The following TMEM200A variants were observed in gnomAD, a reference collection of about 807,000 sequenced individuals.
The protein encoded by TMEM200A is transmembrane protein 200A.
A neutral mutation model predicts 24.3 loss-of-function variants in TMEM200A; 12 were observed. The ratio of observed to expected loss-of-function variants is 0.49; its 90% confidence interval spans 0.32 to 0.80. The LOEUF (loss-of-function observed/expected upper bound fraction) is 0.80. TMEM200A is among the 30% of genes least tolerant of loss of function. The pLI, the probability that TMEM200A is intolerant of heterozygous loss-of-function variation, is 0.04. For missense variants in TMEM200A, 545 were observed against 614.4 expected (o/e 0.89, Z 1.19); for synonymous variants, 224 against 224.4 (o/e 1.00, Z 0.02).
intron 2 of TMEM200A, among the ~76,000 whole-genome samples, chr6:130,418,144 A>T (rs1452868361): frequency 1.3e-5 from 2 of 152,108 alleles, no homozygotes; most frequent in Admixed American, 6.6e-5. Context: ...ATTCTTGATC[A>T]TATATAGATA....
chr6:130,423,641 A>G (rs747548191), intron 2 of TMEM200A, among the ~76,000 whole-genome samples: 7 of 152,280 alleles, frequency 4.6e-5, no homozygotes, highest in Non-Finnish European at 8.8e-5. Flanking sequence ...GTTTAAAAAC[A>G]TCTGTCAGTT....
At position 130,441,994 on chromosome 6, in the gene TMEM200A, CA is replaced by C; in HGVS notation, c.*99del. The C allele has an allele frequency of 8.0e-7, 1 of 1,244,264 alleles. No individual in the cohort carries two copies. The highest frequency in any genetic ancestry group is 1.6e-5 in the South Asian group (1 of 62,732). 77.1% of individuals were successfully genotyped at this position (1,244,264 alleles called of 1,614,324 possible). On this transcript the variant is annotated 3_prime_UTR_variant, in exon 3 of 3. Coordinates refer to ENST00000296978, the MANE Select transcript of TMEM200A (RefSeq NM_001258277.2). ...AGTATTGGCTGTAAGCCTTTTTAATCAAATGGTTTGTAGTGTATTAGAATTG... is the reference window on the plus strand; with the variant it reads ...AGTATTGGCTGTAAGCCTTTTTAATCAATGGTTTGTAGTGTATTAGAATTG...
At chr6:130,372,018 C>T (rs1273115171) in intron 1 of TMEM200A, among the ~76,000 whole-genome samples, 1 of 152,154 alleles carries the variant, frequency 6.6e-6, no homozygotes, top group African/African-American at 2.4e-5. Flanking sequence ...TGCCTCCCCA[C>T]CATCGCCACT....
intron 2 of TMEM200A, among the ~76,000 whole-genome samples, chr6:130,393,133 G>A (rs1263796169): frequency 6.6e-6 from 1 of 152,210 alleles, no homozygotes. Flanking sequence ...GGATAGAAGC[G>A]AGAGATCAGT....
chr6:130,383,125 G>A, intron 1 of TMEM200A: 1 of 896,678 alleles, frequency 1.1e-6, no homozygotes, highest in African/African-American at 1.8e-5. Context: ...AATTAGGACG[G>A]CACTCCATGG....
chr6:130,377,861 C>G (rs1778498167), intron 1 of TMEM200A, among the ~76,000 whole-genome samples: 1 of 152,056 alleles, frequency 6.6e-6, no homozygotes, highest in South Asian at 2.1e-4. Context: ...TAAAGCAGAG[C>G]CCAGGGACTA....
rs765491153 is a variant in TMEM200A, at chr6:130,440,602, A to G, written c.180A>G (p.Pro60=). Residue 60 remains proline, a synonymous_variant, in exon 3 of 3, where the codon CCA becomes CCG. Transcript: ENST00000296978. ...VVRGKIRLYS[P]SGFFLILGVL... ...GTGGCAAAATCCGGCTTTATTCCCC[A>G]TCTGGTTTTTTTCTTATTTTAGGAG... is the stretch of plus-strand genomic sequence containing the variant. 3 of 1,613,982 alleles carry G rather than the reference A, an allele frequency of 1.9e-6. No individual in the cohort carries two copies. Among genetic ancestry groups the G allele is most frequent in the Admixed American group, 1.7e-5 (1 of 59,988 alleles).
chr6:130,406,457 C>T (rs1435645973), intron 2 of TMEM200A, among the ~76,000 whole-genome samples: 2 of 152,138 alleles, frequency 1.3e-5, no homozygotes, highest in African/African-American at 4.8e-5. Context: ...TTTAGTCTCA[C>T]ATATTTTTAA....
chr6:130,415,912 T>C (rs1042037049), intron 2 of TMEM200A, among the ~76,000 whole-genome samples: 2 of 152,218 alleles, frequency 1.3e-5, no homozygotes, highest in African/African-American at 4.8e-5. Context: ...TGAATTCTTC[T>C]TTCAGGGTTT....
At chr6:130,411,165 C>T (rs1318966117) in intron 2 of TMEM200A, among the ~76,000 whole-genome samples, 1 of 143,540 alleles carries the variant, frequency 7.0e-6, no homozygotes, top group Non-Finnish European at 1.5e-5. Context: ...GAAACTCCAT[C>T]TCAAAAAAAA....
intron 2 of TMEM200A, among the ~76,000 whole-genome samples, chr6:130,426,668 G>A (rs1779752401): frequency 6.6e-6 from 1 of 152,108 alleles, no homozygotes; most frequent in Non-Finnish European, 1.5e-5. Flanking sequence ...AAACACAATG[G>A]GGACTGAGCT....
At chr6:130,398,940 C>T (rs961409090) in intron 2 of TMEM200A, among the ~76,000 whole-genome samples, 4 of 151,834 alleles carry the variant, frequency 2.6e-5, no homozygotes, top group Non-Finnish European at 5.9e-5. Flanking sequence ...AAAGTCTATC[C>T]TTTAGTAGTT....
chr6:130,372,880 T>C (rs1469194764), intron 1 of TMEM200A, among the ~76,000 whole-genome samples: 2 of 152,238 alleles, frequency 1.3e-5, no homozygotes, highest in Admixed American at 6.5e-5. Context: ...GTAAAACTTT[T>C]AGAACAACTC....
intron 2 of TMEM200A, among the ~76,000 whole-genome samples, chr6:130,387,125 G>A (rs1036499927): frequency 4.6e-5 from 7 of 152,140 alleles, no homozygotes; most frequent in African/African-American, 1.4e-4. Context: ...ATATGAAGGT[G>A]GTAGTGCAAG....
At chr6:130,394,546 C>G (rs1778906276) in intron 2 of TMEM200A, among the ~76,000 whole-genome samples, 1 of 152,176 alleles carries the variant, frequency 6.6e-6, no homozygotes. Flanking sequence ...CCTCTTACTT[C>G]CAATTACCAG....
intron 2 of TMEM200A, among the ~76,000 whole-genome samples, chr6:130,435,419 G>C (rs563875167): frequency 6.6e-6 from 1 of 152,288 alleles, no homozygotes; most frequent in Admixed American, 6.5e-5. Context: ...AATGATGGTT[G>C]CTGATCAATA....
chr6:130,413,464 ATCT>A (rs1201672210), intron 2 of TMEM200A, among the ~76,000 whole-genome samples: 1 of 152,106 alleles, frequency 6.6e-6, no homozygotes, highest in South Asian at 2.1e-4. Flanking sequence ...CTCAGGCCAA[ATCT>A]TCTTCCTACG....
intron 2 of TMEM200A, among the ~76,000 whole-genome samples, chr6:130,404,393 C>T (rs1316949434): frequency 6.6e-6 from 1 of 152,132 alleles, no homozygotes; most frequent in African/African-American, 2.4e-5. Flanking sequence ...GATGGTATCT[C>T]ACTGTGGCTC....
intron 2 of TMEM200A, among the ~76,000 whole-genome samples, chr6:130,426,977 T>C (rs1779760201): frequency 6.6e-6 from 1 of 152,230 alleles, no homozygotes; most frequent in South Asian, 2.1e-4. Context: ...TAAATAAGTC[T>C]TTCTTTCCTG....
Sources: gnomAD v4.1 joint callset for allele counts (sites outside exome capture counted in the v4.1 genomes callset) on GRCh38, gnomAD v4.1.1 for gene constraint, MANE v1.5 for transcripts, NCBI Gene and HGNC (gene_info 2026-07-23, HGNC 2026-07-21) for gene names.